The following SLC35G2 variants were observed in gnomAD, a reference collection of about 807,000 sequenced individuals.
SLC35G2 encodes the protein solute carrier family 35 member G2.
In SLC35G2, 20 loss-of-function variants were observed where a neutral mutation model predicts 27.2. That is an observed-to-expected ratio of 0.74 (90% CI 0.52 to 1.07). The LOEUF is 1.07. Among genes scored for constraint, SLC35G2 ranks in the 50% least tolerant of loss-of-function variants. The pLI is 0.00. For missense variants in SLC35G2, 416 were observed against 493.3 expected (o/e 0.84, Z 1.48); for synonymous variants, 148 against 165.3 (o/e 0.90, Z 0.80).
intron 1 of SLC35G2, among the ~76,000 whole-genome samples, chr3:136,833,230 C>T (rs962579537): frequency 2.6e-5 from 4 of 151,970 alleles, no homozygotes; most frequent in Non-Finnish European, 4.4e-5. Flanking sequence ...TAGTAGTTCA[C>T]GTTATTGAAA....
chr3:136,833,457 A>G (rs1298153626), intron 1 of SLC35G2, among the ~76,000 whole-genome samples: 2 of 152,196 alleles, frequency 1.3e-5, no homozygotes, highest in Non-Finnish European at 2.9e-5. Context: ...GCTGTAGAGC[A>G]GTCATCCCCA....
chr3:136,827,618 C>T (rs576234254), intron 1 of SLC35G2, among the ~76,000 whole-genome samples: 42 of 152,254 alleles, frequency 2.8e-4, no homozygotes, highest in African/African-American at 8.2e-4. Flanking sequence ...TGTCTTAGTA[C>T]TGCTTTCACT....
chr3:136,853,836 CGA>C (rs1157150473), intron 1 of SLC35G2, among the ~76,000 whole-genome samples: 1 of 152,058 alleles, frequency 6.6e-6, no homozygotes, highest in Non-Finnish European at 1.5e-5. Context: ...CAACTGTTCA[CGA>C]GAGAGGTTGT....
intron 1 of SLC35G2, chr3:136,846,706 G>A (rs2271684): frequency 0.68 from 103,562 of 152,138 alleles, 35,530 homozygotes; most frequent in East Asian, 0.87. Flanking sequence ...TCAAAACACT[G>A]TAAGTATGAA....
At chr3:136,852,557 A>G (rs770679698) in intron 1 of SLC35G2, among the ~76,000 whole-genome samples, 5 of 151,406 alleles carry the variant, frequency 3.3e-5, no homozygotes, top group African/African-American at 4.9e-5. Context: ...CAGTGGCACA[A>G]TCTTGGCTCA....
chr3:136,832,807 G>A (rs530949166), intron 1 of SLC35G2, among the ~76,000 whole-genome samples: 12 of 152,258 alleles, frequency 7.9e-5, no homozygotes, highest in Admixed American at 2.6e-4. Flanking sequence ...GGTGGCTCAC[G>A]CCTGTAATCC....
intron 1 of SLC35G2, among the ~76,000 whole-genome samples, chr3:136,826,280 GC>G (rs1211566564): frequency 6.6e-6 from 1 of 151,386 alleles, no homozygotes; most frequent in African/African-American, 2.4e-5. Flanking sequence ...CTCGTGATCC[GC>G]CTGTCTCGGC....
chr3:136,844,086 C>T (rs897007493), intron 1 of SLC35G2, among the ~76,000 whole-genome samples: 6 of 151,922 alleles, frequency 3.9e-5, no homozygotes, highest in East Asian at 3.9e-4. Flanking sequence ...TGGCCGGGCA[C>T]GGAGAGAATC....
At chr3:136,826,144 C>A (rs767364832) in intron 1 of SLC35G2, among the ~76,000 whole-genome samples, 1 of 152,144 alleles carries the variant, frequency 6.6e-6, no homozygotes, top group Admixed American at 6.6e-5. Context: ...TCACGCCATT[C>A]TCCTTCCTCA....
At chr3:136,837,774 T>G (rs563051100) in intron 1 of SLC35G2, 1 of 152,070 alleles carries the variant, frequency 6.6e-6, no homozygotes, top group Non-Finnish European at 1.5e-5. Flanking sequence ...TCCCTGAAAA[T>G]AGCATTGCTG....
At chr3:136,844,826 AACAAG>A (rs1173422869) in intron 1 of SLC35G2, among the ~76,000 whole-genome samples, 4 of 147,452 alleles carry the variant, frequency 2.7e-5, no homozygotes, top group Admixed American at 6.6e-5. Flanking sequence ...AAAAAAAGAA[AACAAG>A]ACAAAACATT....
chr3:136,848,439 C>T (rs1224005982), intron 1 of SLC35G2, among the ~76,000 whole-genome samples: 1 of 151,672 alleles, frequency 6.6e-6, no homozygotes, highest in African/African-American at 2.4e-5. Context: ...GGCAACATGG[C>T]GAAAACCCAT....
intron 1 of SLC35G2, among the ~76,000 whole-genome samples, chr3:136,836,423 C>CCAG: frequency 1.6e-5 from 2 of 127,812 alleles, no homozygotes; most frequent in Non-Finnish European, 3.4e-5. Context: ...TGCTTATCGA[C>CCAG]CAGTCTCTTC....
At chr3:136,840,688 A>C (rs1320953756) in intron 1 of SLC35G2, among the ~76,000 whole-genome samples, 1 of 150,622 alleles carries the variant, frequency 6.6e-6, no homozygotes, top group Non-Finnish European at 1.5e-5. Flanking sequence ...CAGTGGCGTG[A>C]TCTTGGCTCA....
At chr3:136,851,932 A>G (rs1388375879) in intron 1 of SLC35G2, among the ~76,000 whole-genome samples, 1 of 152,220 alleles carries the variant, frequency 6.6e-6, no homozygotes, top group African/African-American at 2.4e-5. Context: ...TAAAAGTTAC[A>G]TAGAATTGGA....
chr3:136,826,974 T>TTTCC (rs34202723), intron 1 of SLC35G2, among the ~76,000 whole-genome samples: 3 of 17,276 alleles, frequency 1.7e-4, no homozygotes, highest in African/African-American at 4.8e-4. Flanking sequence ...TCTTTTTTCT[T>TTTCC]TTTTTTTTTT....
At chr3:136,820,779 A>G (rs1936437841) in intron 1 of SLC35G2, among the ~76,000 whole-genome samples, 1 of 152,110 alleles carries the variant, frequency 6.6e-6, no homozygotes, top group Admixed American at 6.6e-5. Context: ...TTTCATAATC[A>G]TCTGTTCCAA....
At chr3:136,847,011 A>G (rs1200225909) in intron 1 of SLC35G2, among the ~76,000 whole-genome samples, 1 of 152,108 alleles carries the variant, frequency 6.6e-6, no homozygotes, top group East Asian at 1.9e-4. Context: ...TACTAAAAAT[A>G]CAAAAATTAG....
At chr3:136,851,496 CAAAAAAAAAAAAAAA>C (rs11427657) in intron 1 of SLC35G2, among the ~76,000 whole-genome samples, 1 of 66,508 alleles carries the variant, frequency 1.5e-5, no homozygotes, top group Non-Finnish European at 2.7e-5. Flanking sequence ...GACTCCGTCT[CAAAAAAAAAAAAAAA>C]AAAAAAAAAA....
Sources: gnomAD v4.1 joint callset for allele counts (sites outside exome capture counted in the v4.1 genomes callset) on GRCh38, gnomAD v4.1.1 for gene constraint, MANE v1.5 for transcripts, NCBI Gene and HGNC (gene_info 2026-07-23, HGNC 2026-07-21) for gene names.